The following PLCB4 variants were observed in gnomAD, a reference collection of about 807,000 sequenced individuals.
PLCB4 encodes the protein phospholipase C beta 4.
In PLCB4, 77 loss-of-function variants were observed where a neutral mutation model predicts 178.8. That is an observed-to-expected ratio of 0.43 (90% CI 0.36 to 0.52). The LOEUF is 0.52. Among genes scored for constraint, PLCB4 ranks in the 20% least tolerant of loss-of-function variants. The pLI is 0.00. For missense variants in PLCB4, 1,024 were observed against 1,453.4 expected (o/e 0.70, Z 4.80); for synonymous variants, 496 against 490.8 (o/e 1.01, Z -0.14).
chr20:9,423,362 A>G (rs560281678), intron 27 of PLCB4, among the ~76,000 whole-genome samples: 11 of 152,328 alleles, frequency 7.2e-5, no homozygotes, highest in African/African-American at 2.6e-4. Flanking sequence ...TATGCCAGAT[A>G]TTAGATCACA....
At position 9,321,952 on chromosome 20, in the gene PLCB4, CT is replaced by C. The variant is rs746419205; in HGVS notation, c.84+14067del. ...CCTGGCCTTTCTTTTTTTTCTTTTT[CT>C]TTTTTTTTTTTTGATACAGGACCTC... On this transcript the variant is annotated intron_variant, in intron 4 of 39. Coordinates refer to ENST00000378473, the MANE Select transcript of PLCB4 (RefSeq NM_001377142.1). Among the ~76,000 whole-genome samples the C allele has an allele frequency of 1.5e-3, 213 of 139,964 alleles. 1 individual carries two copies. Among genetic ancestry groups the C allele is most frequent in the Middle Eastern group, 3.6e-3 (1 of 274 alleles). 91.8% of individuals were successfully genotyped at this position (139,964 alleles called of 152,430 possible).
intron 4 of PLCB4, among the ~76,000 whole-genome samples, chr20:9,335,235 AT>A: frequency 6.6e-6 from 1 of 152,280 alleles, no homozygotes; most frequent in East Asian, 1.9e-4. Context: ...CAGTAACAAC[AT>A]AAGACCCGCC....
chr20:9,210,031 A>G (rs2093657155), intron 2 of PLCB4, among the ~76,000 whole-genome samples: 1 of 151,966 alleles, frequency 6.6e-6, no homozygotes, highest in South Asian at 2.1e-4. Context: ...CTCCTGACCT[A>G]CAGAGCTATG....
intron 28 of PLCB4, among the ~76,000 whole-genome samples, chr20:9,430,717 TG>T (rs1412315489): frequency 1.3e-5 from 2 of 152,200 alleles, no homozygotes; most frequent in Admixed American, 1.3e-4. Flanking sequence ...ATAGCTTGCC[TG>T]TGACAAACAA....
chr20:9,401,350 A>G (rs1482632562), intron 19 of PLCB4, 140 bp from the exon 20 acceptor site: 3 of 605,868 alleles, frequency 5.0e-6, no homozygotes, highest in Non-Finnish European at 8.9e-6. Context: ...TTGAAAAAAT[A>G]CTGCATATAT....
intron 2 of PLCB4, among the ~76,000 whole-genome samples, chr20:9,138,435 G>A (rs1447875926): frequency 2.6e-5 from 4 of 152,024 alleles, no homozygotes; most frequent in Admixed American, 6.6e-5. Context: ...ATATCATATA[G>A]CACATGTTTT....
In PLCB4 at chr20:9,473,238, C is replaced by T. The variant is rs199639105; in HGVS notation, c.3409-41C>T. On this transcript the variant is annotated intron_variant, in intron 37 of 39. Coordinates refer to ENST00000378473, the MANE Select transcript of PLCB4 (RefSeq NM_001377142.1). ...CTCATCCCTGTTTTAAGATTGTAAC[C>T]CAAAGTTCAATCAGAATTTTTTTTT... 3.0e-5 allele frequency: 40 copies of T among 1,316,486 alleles called. No individual in the cohort carries two copies. The East Asian group carries it at 9.7e-4, about 32-fold the overall frequency. The allele number at this position is 1,316,486 out of a possible 1,614,324, so 81.6% of individuals were successfully genotyped here.
chr20:9,115,548 A>G (rs1443769672), intron 2 of PLCB4, among the ~76,000 whole-genome samples: 2 of 149,862 alleles, frequency 1.3e-5, no homozygotes, highest in African/African-American at 4.9e-5. Context: ...ATTTAACATT[A>G]GGTATATCTC....
Position 9,291,301 on chromosome 20 carries a change from A to G in PLCB4, c.-15-16499A>G, listed in dbSNP as rs2147765490. ...CCTGCTGGTCTATCAGAAAAAGCCA[A>G]AGACAGCATCTAATATTTACACCTA... is the stretch of plus-strand genomic sequence containing the variant. On this transcript the variant is annotated intron_variant, in intron 3 of 39. Transcript: ENST00000378473. Among the ~76,000 whole-genome samples, 2 of 152,266 alleles carry G rather than the reference A, an allele frequency of 1.3e-5. 1 individual carries two copies.
At chr20:9,153,391 G>T (rs1383309563) in intron 2 of PLCB4, among the ~76,000 whole-genome samples, 4 of 152,100 alleles carry the variant, frequency 2.6e-5, no homozygotes, top group African/African-American at 4.8e-5. Flanking sequence ...AATCATGGGG[G>T]TTGGTCTTTG....
chr20:9,152,345 A>C (rs2092705392), intron 2 of PLCB4, among the ~76,000 whole-genome samples: 1 of 152,130 alleles, frequency 6.6e-6, no homozygotes, highest in Admixed American at 6.5e-5. Flanking sequence ...ACAGACCCAG[A>C]GGTCTAGGAG....
chr20:9,206,188 A>G (rs1317496378), intron 2 of PLCB4, among the ~76,000 whole-genome samples: 1 of 152,090 alleles, frequency 6.6e-6, no homozygotes, highest in Non-Finnish European at 1.5e-5. Context: ...ACTTTAAATC[A>G]GGTTATTTGG....
chr20:9,408,459 G>A (rs1366258714), intron 22 of PLCB4, among the ~76,000 whole-genome samples, 174 bp from the exon 23 acceptor site: 2 of 112,896 alleles, frequency 1.8e-5, no homozygotes, highest in Non-Finnish European at 3.3e-5. Flanking sequence ...TGGCTGAAAA[G>A]ACAGATGTCT....
At chr20:9,236,666 G>A (rs1027872911) in intron 3 of PLCB4, among the ~76,000 whole-genome samples, 1 of 152,184 alleles carries the variant, frequency 6.6e-6, no homozygotes, top group African/African-American at 2.4e-5. Flanking sequence ...CACCAAGGCA[G>A]AGCTTTCCTG....
chr20:9,309,695 G>A (rs1394330938), intron 4 of PLCB4, among the ~76,000 whole-genome samples: 32 of 152,280 alleles, frequency 2.1e-4, no homozygotes, highest in Admixed American at 2.1e-3. Flanking sequence ...GCAATCATTG[G>A]TTCAGTATAT....
At chr20:9,466,045 C>T (rs1385881002) in intron 35 of PLCB4, among the ~76,000 whole-genome samples, 1 of 152,194 alleles carries the variant, frequency 6.6e-6, no homozygotes, top group Non-Finnish European at 1.5e-5. Flanking sequence ...TACTACAAGG[C>T]TACAGTAACC....
intron 26 of PLCB4, among the ~76,000 whole-genome samples, chr20:9,420,270 A>G (rs941954118): frequency 6.6e-5 from 10 of 152,208 alleles, no homozygotes; most frequent in African/African-American, 2.4e-4. Flanking sequence ...AATGTTTATC[A>G]TCTTAATTAT....
intron 18 of PLCB4, among the ~76,000 whole-genome samples, chr20:9,393,968 T>C (rs528586741): frequency 1.3e-5 from 2 of 152,300 alleles, no homozygotes; most frequent in South Asian, 2.1e-4. Flanking sequence ...TTTCTCAAGA[T>C]ATAAGGAACC....
intron 20 of PLCB4, among the ~76,000 whole-genome samples, chr20:9,404,352 GAAT>G (rs2039274265): frequency 6.6e-6 from 1 of 152,124 alleles, no homozygotes; most frequent in East Asian, 1.9e-4. Flanking sequence ...AAAGCCAAAG[GAAT>G]ATTGCCTTTA....
Sources: gnomAD v4.1 joint callset for allele counts (sites outside exome capture counted in the v4.1 genomes callset) on GRCh38, gnomAD v4.1.1 for gene constraint, MANE v1.5 for transcripts, NCBI Gene and HGNC (gene_info 2026-07-23, HGNC 2026-07-21) for gene names.